MTFR1: variants seen among roughly 807,000 people sequenced by gnomAD.
The protein encoded by MTFR1 is mitochondrial fission regulator 1.
In MTFR1, 28 loss-of-function variants were observed where a neutral mutation model predicts 38.8. That is an observed-to-expected ratio of 0.72 (90% confidence interval 0.53 to 0.99). The LOEUF is 0.99. Among genes scored for constraint, MTFR1 ranks in the 50% least tolerant of loss-of-function variants. MTFR1 has a pLI of 0.00. For synonymous variants in MTFR1, 145 were observed against 137.0 expected (o/e 1.06, Z -0.41); for missense variants, 358 against 395.5 (o/e 0.91, Z 0.81).
At chr8:65,699,078 G>A (rs1805536610) in intron 4 of MTFR1, among the ~76,000 whole-genome samples, 1 of 152,146 alleles carries the variant, frequency 6.6e-6, no homozygotes, top group Non-Finnish European at 1.5e-5. Flanking sequence ...TCATTTACAA[G>A]TGAGAACATG....
At chr8:65,752,626 A>C (rs897910459) in intron 3 of MTFR1, among the ~76,000 whole-genome samples, 2 of 152,142 alleles carry the variant, frequency 1.3e-5, no homozygotes, top group African/African-American at 4.8e-5. Context: ...GATATATCTC[A>C]TTGTTAACCA....
intron 3 of MTFR1, chr8:65,747,533 G>A: frequency 3.6e-6 from 2 of 548,556 alleles, no homozygotes; most frequent in Admixed American, 4.1e-5. Context: ...CTGGAAAATA[G>A]GCTCAACTGC....
Position 65,704,904 on chromosome 8 carries a change from G to A in MTFR1, c.492G>A (p.Gln164=). ...LRAQIAKIVT[Q]QEQQNLTAGD... is the part of the protein sequence containing the mutation. ...CTCAGATTGCCAAAATTGTGACCCAGCAGGAGCAGCAAAATCTCACTGCAG... is the reference window on the plus strand; with the variant it reads ...CTCAGATTGCCAAAATTGTGACCCAACAGGAGCAGCAAAATCTCACTGCAG... Residue 164 remains glutamine (Q), a synonymous_variant, in exon 5 of 8, where the codon CAG becomes CAA. Coordinates refer to ENST00000262146, the MANE Select transcript of MTFR1 (RefSeq NM_014637.4). The A allele has an allele frequency of 6.3e-7, 1 of 1,598,056 alleles. No individual in the cohort carries two copies. The highest frequency in any genetic ancestry group is 8.5e-7 in the Non-Finnish European group (1 of 1,170,308).
chr8:65,733,380 T>C (rs1806984281), intron 3 of MTFR1, among the ~76,000 whole-genome samples: 1 of 152,182 alleles, frequency 6.6e-6, no homozygotes, highest in Non-Finnish European at 1.5e-5. Context: ...TACCAGATTG[T>C]ATGGTGATTA....
intron 1 of MTFR1, among the ~76,000 whole-genome samples, chr8:65,662,146 G>A (rs932304974): frequency 1.3e-5 from 2 of 149,646 alleles, no homozygotes; most frequent in Non-Finnish European, 3.0e-5. Flanking sequence ...CTCTGATGCC[G>A]AGCGGAAGCT....
intron 2 of MTFR1, 115 bp downstream of exon 2, chr8:65,670,133 G>A (rs548089279): frequency 1.2e-6 from 1 of 821,054 alleles, no homozygotes; most frequent in Non-Finnish European, 1.9e-6. Context: ...ATATGTTTAT[G>A]TACTGTTTAA....
intron 3 of MTFR1, among the ~76,000 whole-genome samples, chr8:65,693,105 A>T (rs1018238071): frequency 6.6e-6 from 1 of 152,100 alleles, no homozygotes; most frequent in African/African-American, 2.4e-5. Flanking sequence ...ATAGTTTTTT[A>T]AAAAATCAAC....
chr8:65,692,090 A>T (rs1426821048), intron 3 of MTFR1, among the ~76,000 whole-genome samples: 2 of 152,214 alleles, frequency 1.3e-5, no homozygotes, highest in African/African-American at 4.8e-5. Flanking sequence ...AACCTTTTTG[A>T]TAAACATATT....
In MTFR1 at chr8:65,655,954, A is replaced by ATATATATATATG. The variant is rs1563432774; in HGVS notation, c.-81+11181_-81+11182insGTATATATATAT. 1.0e-3 allele frequency among the ~76,000 whole-genome samples: 30 copies of ATATATATATATG among 29,778 alleles called. 2 individuals are homozygous for ATATATATATATG. Among genetic ancestry groups the ATATATATATATG allele is most frequent in the South Asian group, 6.5e-3 (9 of 1,376 alleles). The allele number at this position is 29,778 out of a possible 152,430, so 19.5% of individuals were successfully genotyped here. ...AAGACTCTGTCTTAAAAAAAAAAAT[A>ATATATATATATG]TATATATATATATACCATATATATA... On this transcript the variant is annotated intron_variant, in intron 1 of 7. Transcript: ENST00000262146.
intron 2 of MTFR1, among the ~76,000 whole-genome samples, chr8:65,681,718 T>A (rs1225668954): frequency 6.7e-6 from 1 of 148,950 alleles, no homozygotes; most frequent in African/African-American, 2.5e-5. Context: ...TCTTTAAGCA[T>A]AGCATAATGT....
At chr8:65,652,008 G>C (rs1049884759) in intron 1 of MTFR1, among the ~76,000 whole-genome samples, 1 of 151,642 alleles carries the variant, frequency 6.6e-6, no homozygotes, top group Non-Finnish European at 1.5e-5. Context: ...ATCCAGGCCG[G>C]AGTGCAGCGG....
intron 3 of MTFR1, among the ~76,000 whole-genome samples, chr8:65,736,675 G>A (rs550836344): frequency 3.9e-5 from 6 of 151,946 alleles, no homozygotes; most frequent in South Asian, 2.1e-4. Flanking sequence ...CGCATGAGCC[G>A]AGAGGTTGAG....
chr8:65,741,539 T>G (rs190291175), intron 3 of MTFR1, among the ~76,000 whole-genome samples: 2 of 152,334 alleles, frequency 1.3e-5, no homozygotes, highest in Non-Finnish European at 2.9e-5. Flanking sequence ...AGACTATTTT[T>G]AAAAACTACC....
At chr8:65,667,375 T>TA (rs1215042968) in intron 1 of MTFR1, among the ~76,000 whole-genome samples, 4 of 151,996 alleles carry the variant, frequency 2.6e-5, no homozygotes. Flanking sequence ...TTCAAAGGAT[T>TA]AAAAAATAAT....
intron 3 of MTFR1, chr8:65,747,587 G>T: frequency 2.1e-6 from 2 of 956,018 alleles, no homozygotes; most frequent in Non-Finnish European, 3.1e-6. Flanking sequence ...ATTACTGTAT[G>T]GGGAATAAAG....
chr8:65,663,914 G>A (rs1268138125), intron 1 of MTFR1, among the ~76,000 whole-genome samples: 9 of 135,836 alleles, frequency 6.6e-5, no homozygotes, highest in African/African-American at 2.2e-4. Context: ...AACAACCTCC[G>A]CCTCCTGGGC....
Position 65,655,951 on chromosome 8 carries a change from A to ATATATATATATATATGTATATATAT in MTFR1, c.-81+11167_-81+11168insTATATATATATATATGTATATATAT, listed in dbSNP as rs1377063247. 5.4e-5 allele frequency among the ~76,000 whole-genome samples: 3 copies of ATATATATATATATATGTATATATAT among 55,380 alleles called. No individual in the cohort carries two copies. In the East Asian group the frequency reaches 9.1e-4, roughly 17 times the overall value. The allele number at this position is 55,380 out of a possible 152,430, so 36.3% of individuals were successfully genotyped here. ...AGCAAGACTCTGTCTTAAAAAAAAA[A>ATATATATATATATATGTATATATAT]ATATATATATATATATACCATATAT... On this transcript the variant is annotated intron_variant, in intron 1 of 7. Coordinates refer to ENST00000262146, the MANE Select transcript of MTFR1 (RefSeq NM_014637.4).
intron 3 of MTFR1, among the ~76,000 whole-genome samples, chr8:65,687,655 T>G (rs1442504264): frequency 6.6e-6 from 1 of 151,912 alleles, no homozygotes; most frequent in East Asian, 1.9e-4. Context: ...AGAATACATT[T>G]TTAAAAAGTA....
intron 3 of MTFR1, among the ~76,000 whole-genome samples, chr8:65,770,340 A>C (rs1191904849): frequency 2.0e-5 from 3 of 152,234 alleles, no homozygotes; most frequent in African/African-American, 7.2e-5. Flanking sequence ...GAGGCCTCAT[A>C]ATCAGGGCAG....
Sources: gnomAD v4.1 joint callset for allele counts (sites outside exome capture counted in the v4.1 genomes callset) on GRCh38, gnomAD v4.1.1 for gene constraint, MANE v1.5 for transcripts, NCBI Gene and HGNC (gene_info 2026-07-23, HGNC 2026-07-21) for gene names.